Variants in TMCC1 observed in about 807,000 individuals in gnomAD.
TMCC1 encodes transmembrane and coiled-coil domain family 1, also known as transmembrane and coiled-coil domains protein 1.
A neutral mutation model predicts 52.4 loss-of-function variants in TMCC1; 15 were observed. That is an observed-to-expected ratio of 0.29 (90% CI 0.19 to 0.44). The LOEUF (loss-of-function observed/expected upper bound fraction) is 0.44, where lower values mean the gene tolerates loss of function less well. TMCC1 is among the 20% of genes least tolerant of loss of function. The pLI is 1.00. For synonymous variants in TMCC1, 279 were observed against 301.9 expected, an observed-to-expected ratio of 0.92 and a Z score of 0.79; for missense variants, 503 against 806.0, an observed-to-expected ratio of 0.62 and a Z score of 4.55.
chr3:129,731,450 T>C (rs1017084032), intron 4 of TMCC1, among the ~76,000 whole-genome samples: 1 of 152,148 alleles, frequency 6.6e-6, no homozygotes, highest in Non-Finnish European at 1.5e-5. Context: ...TCGTGATGCA[T>C]GCCTGTAATC....
intron 5 of TMCC1, among the ~76,000 whole-genome samples, chr3:129,669,966 T>C (rs912898943): frequency 4.6e-5 from 7 of 152,250 alleles, no homozygotes; most frequent in African/African-American, 9.6e-5. Flanking sequence ...CAAATACCTA[T>C]AGAAGTCACT....
chr3:129,848,599 C>G (rs1038938373), intron 2 of TMCC1, among the ~76,000 whole-genome samples: 3 of 152,214 alleles, frequency 2.0e-5, no homozygotes, highest in Non-Finnish European at 1.5e-5. Context: ...TCCTGCCAAT[C>G]TAACTCTGAT....
chr3:129,667,732 T>C (rs1329222059), intron 5 of TMCC1, among the ~76,000 whole-genome samples: 2 of 152,214 alleles, frequency 1.3e-5, no homozygotes, highest in Non-Finnish European at 2.9e-5. Context: ...TGTCCTATTA[T>C]GTCTCCGACT....
At chr3:129,678,860 T>C (rs1008849836) in intron 4 of TMCC1, among the ~76,000 whole-genome samples, 2 of 152,204 alleles carry the variant, frequency 1.3e-5, no homozygotes, top group Non-Finnish European at 2.9e-5. Context: ...CATATTGTCC[T>C]AGCAATGCAA....
chr3:129,810,126 G>A (rs1182530753), intron 4 of TMCC1, among the ~76,000 whole-genome samples: 1 of 152,192 alleles, frequency 6.6e-6, no homozygotes, highest in African/African-American at 2.4e-5. Context: ...GGAGGCCAAG[G>A]TGGGTGGATG....
chr3:129,651,423 T>C lies in TMCC1; in HGVS notation c.*58A>G. 6.5e-7 allele frequency: 1 copy of C among 1,542,672 alleles called. No individual in the cohort carries two copies. Among genetic ancestry groups the C allele is most frequent in the African/African-American group, 1.4e-5 (1 of 73,002 alleles). ...ACTTCAGAGTAGGTAAGTTGCTGTC[T>C]AACTCTCTGCTGCATGCACTCGCCA... On this transcript the variant is annotated 3_prime_UTR_variant, in exon 7 of 7. Transcript: ENST00000393238. The surrounding 1 kb of genome is among the most constrained non-coding windows in gnomAD (Gnocchi z 5.1).
chr3:129,664,113 G>A (rs777736315), intron 5 of TMCC1, among the ~76,000 whole-genome samples: 4 of 152,192 alleles, frequency 2.6e-5, no homozygotes, highest in Middle Eastern at 3.4e-3. Flanking sequence ...GATTGTATAC[G>A]TCATATTTCC....
chr3:129,771,441 T>G (rs1298147232), intron 4 of TMCC1, among the ~76,000 whole-genome samples: 1 of 151,784 alleles, frequency 6.6e-6, no homozygotes, highest in Non-Finnish European at 1.5e-5. Context: ...CACTAAAAAG[T>G]GTATGGCAGG....
At chr3:129,814,759 C>A (rs2058013532) in intron 4 of TMCC1, among the ~76,000 whole-genome samples, 1 of 152,062 alleles carries the variant, frequency 6.6e-6, no homozygotes, top group African/African-American at 2.4e-5. Flanking sequence ...GCTATACTTA[C>A]ATCATATAAA....
intron 4 of TMCC1, among the ~76,000 whole-genome samples, chr3:129,694,238 C>T (rs1243357480): frequency 6.6e-6 from 1 of 152,212 alleles, no homozygotes; most frequent in Non-Finnish European, 1.5e-5. Flanking sequence ...CAATCTGAAT[C>T]CTTACGAAAA....
At chr3:129,806,577 T>G (rs980978437) in intron 4 of TMCC1, among the ~76,000 whole-genome samples, 1 of 152,134 alleles carries the variant, frequency 6.6e-6, no homozygotes, top group Non-Finnish European at 1.5e-5. Context: ...AATGCCTCTC[T>G]CAAATAGGAG....
intron 5 of TMCC1, among the ~76,000 whole-genome samples, chr3:129,658,023 G>A (rs946630316): frequency 6.6e-6 from 1 of 152,184 alleles, no homozygotes; most frequent in Non-Finnish European, 1.5e-5. Context: ...AGTGTTCACT[G>A]TACAACAATA....
intron 4 of TMCC1, among the ~76,000 whole-genome samples, chr3:129,707,464 G>C (rs1368818486): frequency 2.6e-5 from 4 of 152,120 alleles, no homozygotes; most frequent in Non-Finnish European, 5.9e-5. Context: ...AATAAATGTG[G>C]AAGACCTCTG....
chr3:129,871,733 G>T (rs1342698286), intron 2 of TMCC1, among the ~76,000 whole-genome samples: 2 of 152,058 alleles, frequency 1.3e-5, no homozygotes, highest in African/African-American at 2.4e-5. Flanking sequence ...CTGTTAGGAT[G>T]TTGTTAAACA....
chr3:129,758,327 T>C (rs147225252), intron 4 of TMCC1, among the ~76,000 whole-genome samples: 14 of 152,344 alleles, frequency 9.2e-5, no homozygotes, highest in African/African-American at 3.1e-4. Flanking sequence ...AGATATCTAA[T>C]GGAATTCATG....
At chr3:129,880,885 C>G (rs1417197749) in intron 1 of TMCC1, among the ~76,000 whole-genome samples, 1 of 139,890 alleles carries the variant, frequency 7.1e-6, no homozygotes, top group Non-Finnish European at 1.5e-5. Context: ...TTTTTTGAGA[C>G]AGAGTTTTGC....
intron 2 of TMCC1, among the ~76,000 whole-genome samples, chr3:129,866,399 CAG>C (rs1225683206): frequency 5.1e-5 from 6 of 116,832 alleles, no homozygotes; most frequent in Non-Finnish European, 8.5e-5. Flanking sequence ...TTTTTTGAGA[CAG>C]AGTTTCGCTC....
intron 4 of TMCC1, among the ~76,000 whole-genome samples, chr3:129,700,766 C>T (rs1291298231): frequency 1.3e-4 from 19 of 149,724 alleles, no homozygotes; most frequent in Non-Finnish European, 1.8e-4. Context: ...TGAGCCACTG[C>T]GCCCAGCCAA....
chr3:129,672,436 C>T lies in TMCC1; in HGVS notation c.577-1172G>A, dbSNP rs182564953. 1.4e-4 allele frequency among the ~76,000 whole-genome samples: 22 copies of T among 152,040 alleles called. 1 individual carries two copies. The East Asian group carries it at 3.5e-3, about 24-fold the overall frequency. ...AACATAGTGAGACCCCCTCTCTACA[C>T]ATTTTTTTTTTAAATTACACAGTTA... On this transcript the variant is annotated intron_variant, in intron 4 of 6. Transcript: ENST00000393238.
Sources: allele counts gnomAD v4.1 joint callset (sites outside exome capture counted in the v4.1 genomes callset), GRCh38; gene constraint gnomAD v4.1.1; non-coding constraint Gnocchi (gnomAD v3.1); transcripts MANE v1.5; gene names NCBI Gene and HGNC (gene_info 2026-07-23, HGNC 2026-07-21).